DZIP3: variants seen among roughly 807,000 people sequenced by gnomAD.
DZIP3 encodes the protein E3 ubiquitin-protein ligase DZIP3.
In DZIP3, 118 loss-of-function variants were observed where a neutral mutation model predicts 162.0. That is an observed-to-expected ratio of 0.73 (90% CI 0.63 to 0.85). DZIP3 has a LOEUF of 0.85. Ranked by LOEUF, DZIP3 falls within the 40% of genes least tolerant of loss-of-function variation. The pLI is 0.00. For missense variants in DZIP3, 1,331 were observed against 1,407.0 expected (o/e 0.95, Z 0.86); for synonymous variants, 438 against 458.6 (o/e 0.96, Z 0.57).
At position 108,686,438 on chromosome 3, in the gene DZIP3, C is replaced by T. The variant is rs1024995358; in HGVS notation, c.3010-7C>T. The T allele has an allele frequency of 6.4e-7, 1 of 1,569,672 alleles. No homozygotes were observed. Among genetic ancestry groups the T allele is most frequent in the Admixed American group, 2.0e-5 (1 of 49,282 alleles). Reference sequence around the variant, plus strand: ...CCTGCTGGGCTATAGCTCTCTGCCTCTTACAGATGACTGGCATAGCCTGGG... The same window carrying T: ...CCTGCTGGGCTATAGCTCTCTGCCTTTTACAGATGACTGGCATAGCCTGGG... On this transcript the variant is annotated splice_polypyrimidine_tract_variant and splice_region_variant and intron_variant, in intron 27 of 32. Coordinates refer to ENST00000361582, the MANE Select transcript of DZIP3 (RefSeq NM_014648.4).
chr3:108,633,645 ATCTC>A (rs954267319), intron 9 of DZIP3, among the ~76,000 whole-genome samples: 5 of 147,736 alleles, frequency 3.4e-5, no homozygotes, highest in Admixed American at 6.7e-5. Context: ...CTTCTGATAG[ATCTC>A]TCTCTCTGGA....
intron 21 of DZIP3, among the ~76,000 whole-genome samples, chr3:108,665,471 C>G (rs1943628694): frequency 6.6e-6 from 1 of 151,944 alleles, no homozygotes; most frequent in Admixed American, 6.6e-5. Context: ...TCTAAAGGAC[C>G]TTTGAGCCAA....
At chr3:108,611,148 A>C in intron 3 of DZIP3, 26 bp from the exon 4 acceptor site, 2 of 1,551,324 alleles carry the variant, frequency 1.3e-6, no homozygotes, top group Non-Finnish European at 1.7e-6. Context: ...AAACTGTGTA[A>C]ATTTTTAATC....
intron 8 of DZIP3, among the ~76,000 whole-genome samples, chr3:108,631,047 A>ACTCTCTCT (rs1206915511): frequency 7.2e-4 from 52 of 72,498 alleles, no homozygotes; most frequent in Non-Finnish European, 9.7e-4. Flanking sequence ...ACACACACAC[A>ACTCTCTCT]CACACACACT....
chr3:108,693,202 G>C (rs577717313), intron 32 of DZIP3, among the ~76,000 whole-genome samples, 158 bp from the exon 33 acceptor site: 12 of 147,712 alleles, frequency 8.1e-5, no homozygotes, highest in Non-Finnish European at 1.6e-4. Context: ...TATTGTTTTT[G>C]AATAAAATAT....
chr3:108,611,754 C>T (rs1432120272), intron 4 of DZIP3, among the ~76,000 whole-genome samples: 2 of 152,116 alleles, frequency 1.3e-5, no homozygotes, highest in African/African-American at 4.8e-5. Flanking sequence ...TCACTGAGGT[C>T]AGGAGTTTGA....
In DZIP3 at chr3:108,689,668, T is replaced by C. The variant is rs183597857; in HGVS notation, c.3516+744T>C. ...GGCCCCTGCACTCCAGCCTGGGTGATAGAGTGAGACTCCATCTCAAAAAAA... is the reference window on the plus strand; with the variant it reads ...GGCCCCTGCACTCCAGCCTGGGTGACAGAGTGAGACTCCATCTCAAAAAAA... On this transcript the variant is annotated intron_variant, in intron 31 of 32. Coordinates refer to ENST00000361582, the MANE Select transcript of DZIP3 (RefSeq NM_014648.4). 5.1e-3 allele frequency among the ~76,000 whole-genome samples: 781 copies of C among 152,140 alleles called. 2 individuals are homozygous for C. Among genetic ancestry groups the C allele is most frequent in the Middle Eastern group, 0.01 (3 of 294 alleles).
At chr3:108,618,486 T>A (rs1242333146) in intron 5 of DZIP3, among the ~76,000 whole-genome samples, 4 of 152,218 alleles carry the variant, frequency 2.6e-5, no homozygotes, top group Non-Finnish European at 5.9e-5. Flanking sequence ...AATAACTTGC[T>A]AACTTGACCA....
At chr3:108,684,384 A>G (rs773885617) in intron 27 of DZIP3, 43 bp downstream of exon 27, 4 of 1,593,190 alleles carry the variant, frequency 2.5e-6, no homozygotes, top group Admixed American at 1.8e-5. Flanking sequence ...TAGTTTTTTT[A>G]TTACTCTAGT....
intron 1 of DZIP3, among the ~76,000 whole-genome samples, chr3:108,603,706 T>C (rs1246676390): frequency 1.3e-5 from 2 of 152,224 alleles, no homozygotes; most frequent in Non-Finnish European, 1.5e-5. Context: ...TTTTAAGATA[T>C]CAGTAGCAAA....
chr3:108,603,675 GT>G (rs1940160602), intron 1 of DZIP3, among the ~76,000 whole-genome samples: 1 of 152,176 alleles, frequency 6.6e-6, no homozygotes, highest in African/African-American at 2.4e-5. Context: ...CTCTCTCTGT[GT>G]ATATATGTGT....
intron 4 of DZIP3, among the ~76,000 whole-genome samples, chr3:108,611,546 G>C (rs1363919575): frequency 6.6e-6 from 1 of 152,150 alleles, no homozygotes; most frequent in African/African-American, 2.4e-5. Flanking sequence ...AATAATGGTA[G>C]GAATGTGGGT....
At chr3:108,628,274 C>T (rs1349835020) in intron 7 of DZIP3, among the ~76,000 whole-genome samples, 2 of 152,162 alleles carry the variant, frequency 1.3e-5, no homozygotes, top group Non-Finnish European at 2.9e-5. Flanking sequence ...AGGCTGCTCT[C>T]CTGTGGCAAG....
chr3:108,659,115 A>T (rs1206292970), intron 19 of DZIP3, among the ~76,000 whole-genome samples: 1 of 152,208 alleles, frequency 6.6e-6, no homozygotes, highest in East Asian at 1.9e-4. Flanking sequence ...CAATAGAAAA[A>T]GAGGGAATCC....
At chr3:108,593,600 G>C (rs1310684280) in intron 1 of DZIP3, among the ~76,000 whole-genome samples, 1 of 151,126 alleles carries the variant, frequency 6.6e-6, no homozygotes, top group African/African-American at 2.4e-5. Flanking sequence ...GTACACAGCT[G>C]TCTTGTAAAA....
At chr3:108,656,998 C>T (rs1943157862) in intron 19 of DZIP3, among the ~76,000 whole-genome samples, 1 of 152,158 alleles carries the variant, frequency 6.6e-6, no homozygotes, top group Non-Finnish European at 1.5e-5. Flanking sequence ...AAGACCAAAT[C>T]TACGTCTGAT....
chr3:108,686,627 C>T (rs1944508761), intron 28 of DZIP3, 43 bp downstream of exon 28: 2 of 1,451,912 alleles, frequency 1.4e-6, no homozygotes, highest in South Asian at 1.6e-5. Context: ...ATCATATTCT[C>T]CAGTTTTCAT....
At chr3:108,674,555 A>G (rs1944035667) in intron 24 of DZIP3, among the ~76,000 whole-genome samples, 1 of 151,926 alleles carries the variant, frequency 6.6e-6, no homozygotes, top group African/African-American at 2.4e-5. Flanking sequence ...ATACGTGAAC[A>G]CCAGATACTT....
At chr3:108,632,906 TTTA>T in intron 8 of DZIP3, 44 bp from the exon 9 acceptor site, 3 of 1,147,116 alleles carry the variant, frequency 2.6e-6, no homozygotes, top group Non-Finnish European at 2.3e-6. Context: ...GTGGTGTTAA[TTTA>T]TTATTAGTAA....
Sources: allele counts gnomAD v4.1 joint callset (sites outside exome capture counted in the v4.1 genomes callset), GRCh38; gene constraint gnomAD v4.1.1; transcripts MANE v1.5; gene names NCBI Gene and HGNC (gene_info 2026-07-23, HGNC 2026-07-21).